The following UVRAG variants were observed in gnomAD, a reference collection of about 807,000 sequenced individuals.
UVRAG encodes UV radiation resistance-associated gene protein.
A neutral mutation model predicts 78.0 loss-of-function variants in UVRAG; 19 were observed. The ratio of observed to expected loss-of-function variants is 0.24; its 90% confidence interval spans 0.17 to 0.36. The LOEUF (loss-of-function observed/expected upper bound fraction) is 0.36. UVRAG is among the 10% of genes least tolerant of loss of function. The pLI is 1.00. For synonymous variants in UVRAG, 323 were observed against 324.6 expected (o/e 1.00, Z 0.05); for missense variants, 740 against 853.8 (o/e 0.87, Z 1.66).
intron 13 of UVRAG, among the ~76,000 whole-genome samples, chr11:76,074,359 A>G (rs770666046): frequency 6.6e-6 from 1 of 152,182 alleles, no homozygotes; most frequent in Admixed American, 6.5e-5. Context: ...AGACCTACCA[A>G]TTTGCATTCC....
At chr11:76,064,838 T>G (rs1463161180) in intron 12 of UVRAG, among the ~76,000 whole-genome samples, 1 of 152,226 alleles carries the variant, frequency 6.6e-6, no homozygotes, top group Admixed American at 6.5e-5. Flanking sequence ...ATTTTATTCT[T>G]GAGAATAATT....
intron 8 of UVRAG, among the ~76,000 whole-genome samples, chr11:76,000,196 T>C (rs1949784692): frequency 6.6e-6 from 1 of 152,204 alleles, no homozygotes; most frequent in Non-Finnish European, 1.5e-5. Flanking sequence ...ATATTAGGTG[T>C]AAGTAGTCTG....
At chr11:75,969,360 A>G (rs1949083739) in intron 7 of UVRAG, among the ~76,000 whole-genome samples, 1 of 152,192 alleles carries the variant, frequency 6.6e-6, no homozygotes, top group Non-Finnish European at 1.5e-5. Flanking sequence ...CATTGTATGT[A>G]TATACCATAT....
chr11:76,034,717 G>T (rs1185317949), intron 12 of UVRAG, among the ~76,000 whole-genome samples: 1 of 152,028 alleles, frequency 6.6e-6, no homozygotes, highest in Non-Finnish European at 1.5e-5. Context: ...GCAAAGACTG[G>T]TGTTAATAAT....
At chr11:75,884,051 C>G (rs1231337511) in intron 4 of UVRAG, among the ~76,000 whole-genome samples, 2 of 152,178 alleles carry the variant, frequency 1.3e-5, no homozygotes, top group East Asian at 3.8e-4. Flanking sequence ...GCATTCCCAT[C>G]AGCAATGTAT....
At chr11:76,120,747 G>T (rs982315423) in intron 14 of UVRAG, among the ~76,000 whole-genome samples, 4 of 152,204 alleles carry the variant, frequency 2.6e-5, no homozygotes, top group African/African-American at 9.7e-5. Context: ...AAAGATCACG[G>T]CAGGAAGCCA....
chr11:76,019,558 T>C (rs1950203667), intron 12 of UVRAG, among the ~76,000 whole-genome samples: 1 of 152,230 alleles, frequency 6.6e-6, no homozygotes, highest in Non-Finnish European at 1.5e-5. Context: ...GGGGGAACAC[T>C]AAGCTCAGTA....
intron 12 of UVRAG, among the ~76,000 whole-genome samples, chr11:76,047,151 A>C (rs951424846): frequency 6.6e-6 from 1 of 152,210 alleles, no homozygotes; most frequent in South Asian, 2.1e-4. Flanking sequence ...CTGCTCCCAA[A>C]TGATGAATAA....
At chr11:75,891,918 G>GA (rs928911889) in intron 5 of UVRAG, among the ~76,000 whole-genome samples, 4 of 149,148 alleles carry the variant, frequency 2.7e-5, no homozygotes, top group Non-Finnish European at 3.0e-5. Context: ...GGAGGGGAAA[G>GA]AAAAAAAAAG....
At chr11:76,011,065 A>G (rs1950041274) in intron 11 of UVRAG, among the ~76,000 whole-genome samples, 1 of 152,086 alleles carries the variant, frequency 6.6e-6, no homozygotes, top group African/African-American at 2.4e-5. Context: ...TCTTGATTCT[A>G]TTTTGTTTTC....
intron 3 of UVRAG, among the ~76,000 whole-genome samples, chr11:75,876,998 T>C (rs1946797408): frequency 6.6e-6 from 1 of 151,372 alleles, no homozygotes; most frequent in Non-Finnish European, 1.5e-5. Context: ...CCCTGCGGCC[T>C]TCCGCAGTGT....
In UVRAG at chr11:76,141,041, C is replaced by T. The variant is rs144048829; in HGVS notation, c.1728C>T (p.His576=). The part of the protein sequence containing the change: ...EDLVGSLNGG[H]ANVHPSQEQG... ...TAGTTGGCAGCTTAAACGGAGGCCA[C>T]GCGAATGTGCACCCTAGCCAAGAAC... Residue 576 remains histidine (H), a synonymous_variant, in exon 15 of 15, where the codon CAC becomes CAT. Transcript: ENST00000356136. 1.1e-4 allele frequency: 176 copies of T among 1,614,180 alleles called. 1 individual carries two copies. The African/African-American group carries it at 2.0e-3, about 18-fold the overall frequency.
intron 12 of UVRAG, among the ~76,000 whole-genome samples, chr11:76,027,283 G>A (rs1161770586): frequency 2.6e-5 from 4 of 152,096 alleles, no homozygotes; most frequent in African/African-American, 7.2e-5. Context: ...TTTAGGGAAA[G>A]CACTCTTGTA....
At chr11:75,935,555 G>T (rs1326097300) in intron 6 of UVRAG, among the ~76,000 whole-genome samples, 2 of 152,146 alleles carry the variant, frequency 1.3e-5, no homozygotes, top group African/African-American at 4.8e-5. Context: ...TGCCACTGGG[G>T]ATAAAGGGAA....
At chr11:75,950,322 C>T (rs1047500409) in intron 6 of UVRAG, among the ~76,000 whole-genome samples, 3 of 152,298 alleles carry the variant, frequency 2.0e-5, no homozygotes, top group Admixed American at 6.5e-5. Context: ...TGCAGTAGTG[C>T]AGTCATAGCT....
chr11:76,029,937 G>A (rs756352547), intron 12 of UVRAG, among the ~76,000 whole-genome samples: 94 of 152,272 alleles, frequency 6.2e-4, no homozygotes, highest in Non-Finnish European at 1.2e-3. Context: ...AATAGCTATT[G>A]CCAAGTAGGC....
At chr11:75,887,398 G>C (rs1273875023) in intron 4 of UVRAG, among the ~76,000 whole-genome samples, 1 of 150,644 alleles carries the variant, frequency 6.6e-6, no homozygotes, top group African/African-American at 2.4e-5. Flanking sequence ...CGCCGCCTTG[G>C]CCTCCCGAAG....
In UVRAG at chr11:76,140,767, T is replaced by G. The variant is rs887224532; in HGVS notation, c.1454T>G (p.Phe485Cys). The G allele has an allele frequency of 1.2e-6, 2 of 1,612,802 alleles. No individual in the cohort carries two copies. The highest frequency in any genetic ancestry group is 8.5e-7 in the Non-Finnish European group (1 of 1,179,530). ...GTTCCTAAGAGACAAAGCTCCATAT[T>G]TGGGGGTGCAGATGTAGGCTTCTCT... The part of the protein sequence containing the change: ...IPVPKRQSSI[F>C]GGADVGFSGG... Residue 485 changes from phenylalanine (F) to cysteine (C), a missense_variant, in exon 15 of 15, where the codon TTT becomes TGT. Transcript: ENST00000356136.
intron 8 of UVRAG, among the ~76,000 whole-genome samples, chr11:75,998,466 C>G (rs1949748394): frequency 6.6e-6 from 1 of 152,038 alleles, no homozygotes; most frequent in Non-Finnish European, 1.5e-5. Context: ...CAGCCTCTGC[C>G]TAAGATGTAG....
Sources: gnomAD v4.1 joint callset for allele counts (sites outside exome capture counted in the v4.1 genomes callset) on GRCh38, gnomAD v4.1.1 for gene constraint, MANE v1.5 for transcripts, NCBI Gene and HGNC (gene_info 2026-07-23, HGNC 2026-07-21) for gene names.